FSIP2: variants seen among roughly 807,000 people sequenced by gnomAD.
The protein encoded by FSIP2 is fibrous sheath-interacting protein 2.
A neutral mutation model predicts 510.5 loss-of-function variants in FSIP2; 367 were observed. The observed-to-expected ratio is 0.72, with a 90% CI of 0.66 to 0.78. The LOEUF is 0.78. Among genes scored for constraint, FSIP2 ranks in the 30% least tolerant of loss-of-function variants. The pLI is 0.00. For synonymous variants in FSIP2, 2,601 were observed against 2,732.2 expected (o/e 0.95, Z 1.50); for missense variants, 7,594 against 7,901.7 (o/e 0.96, Z 1.48).
At chr2:185,828,248 A>G in intron 21 of FSIP2, 49 bp downstream of exon 21, 2 of 999,374 alleles carry the variant, frequency 2.0e-6, no homozygotes, top group Non-Finnish European at 3.1e-6. Flanking sequence ...GAGCTAGTTC[A>G]GAACAACTCA....
chr2:185,806,084 C>T lies in FSIP2; in HGVS notation c.16778C>T (p.Thr5593Ile). 2 of 1,572,432 alleles carry T rather than the reference C, an allele frequency of 1.3e-6. No individual in the cohort carries two copies. The highest frequency in any genetic ancestry group is 2.8e-5 in the African/African-American group (2 of 72,680). The change falls in exon 17 of 23, where the codon ACA (threonine) becomes ATA (isoleucine). Residue 5593 changes from threonine to isoleucine, a missense_variant. Physicochemically the swap from Thr to Ile is moderately conservative, Grantham distance 89 (BLOSUM62 -1). Transcript: ENST00000424728. ...YTHFSLIIDD[T>I]EYEKEVLGSD... ...CATTTTTCATTAATAATTGATGATA[C>T]AGAATATGAGAAGGAAGTACTTGGA... is the stretch of plus-strand genomic sequence containing the variant.
At chr2:185,780,651 A>C (rs1304361778) in intron 13 of FSIP2, among the ~76,000 whole-genome samples, 1 of 151,944 alleles carries the variant, frequency 6.6e-6, no homozygotes, top group South Asian at 2.1e-4. Context: ...TTTGAGGTCT[A>C]ATTTTAATAT....
rs891554477 is a variant in FSIP2, at chr2:185,795,593, C to T, written c.8457C>T (p.Tyr2819=). 2 of 1,534,868 alleles carry T rather than the reference C, an allele frequency of 1.3e-6. No individual in the cohort carries two copies. The highest frequency in any genetic ancestry group is 3.9e-5 in the Admixed American group (2 of 50,866). Residue 2819 remains tyrosine (Y), a synonymous_variant, in exon 16 of 23, where the codon TAC becomes TAT. Coordinates refer to ENST00000424728, the MANE Select transcript of FSIP2 (RefSeq NM_173651.4). ...TTCCTAAACAACAAGCATGTTTTTA[C>T]TTGGAGAATGTTTCTTCACAGCTAG... ...GSLPKQQACF[Y]LENVSSQLEH...
At chr2:185,750,118 T>A (rs1692113082) in intron 7 of FSIP2, among the ~76,000 whole-genome samples, 1 of 151,718 alleles carries the variant, frequency 6.6e-6, no homozygotes, top group South Asian at 2.1e-4. Flanking sequence ...CAAAATGTAG[T>A]TTTCTTGCAC....
At chr2:185,756,340 T>A (rs116667549) in intron 9 of FSIP2, 62 bp downstream of exon 9, 6,550 of 592,582 alleles carry the variant, frequency 0.011, 269 homozygotes, top group African/African-American at 0.095. Context: ...GAAAGACAGT[T>A]TTGTAACAAC....
At position 185,805,852 on chromosome 2, in the gene FSIP2, A is replaced by G. The variant is rs1314081755; in HGVS notation, c.16546A>G (p.Asn5516Asp). Residue 5516 changes from asparagine to aspartate, a missense_variant, in exon 17 of 23, where the codon AAT becomes GAT. Transcript: ENST00000424728. ...ATCAGGGTTGGCTACAGGTGTGACA[A>G]ATAAAAAGGAAGTGGATGAAAATAA... ...LTSGLATGVT[N>D]KKEVDENKVG... The G allele has an allele frequency of 6.2e-7, 1 of 1,608,780 alleles. No homozygotes were observed. Among genetic ancestry groups the G allele is most frequent in the South Asian group, 1.1e-5 (1 of 89,902 alleles).
Position 185,803,862 on chromosome 2 carries a change from G to C in FSIP2, c.14556G>C (p.Gln4852His), listed in dbSNP as rs1693499453. Reference sequence around the variant, plus strand: ...TTATTAAATATGGGAATAAAAAACAGAGTATGATTTCAGCAAAAGATATCC... The same window carrying C: ...TTATTAAATATGGGAATAAAAAACACAGTATGATTTCAGCAAAAGATATCC... Reference protein sequence around the residue: ...ICIIKYGNKKQSMISAKDIQS... With the variant: ...ICIIKYGNKKHSMISAKDIQS... Residue 4852 changes from glutamine (Q) to histidine (H), a missense_variant, in exon 17 of 23, where the codon CAG (glutamine) becomes CAC (histidine). By Grantham distance (24) the Gln-to-His change is conservative (BLOSUM62 0). Transcript: ENST00000424728. 2.0e-6 allele frequency: 3 copies of C among 1,516,992 alleles called. No homozygotes were observed. Among genetic ancestry groups the C allele is most frequent in the Non-Finnish European group, 2.6e-6 (3 of 1,136,648 alleles). The allele number at this position is 1,516,992 out of a possible 1,614,324, so 94.0% of individuals were successfully genotyped here. A position where few individuals can be genotyped will look rare whatever the true frequency, so the allele number is the denominator to read the frequency against.
In FSIP2 at chr2:185,805,654, T is replaced by A; in HGVS notation, c.16348T>A (p.Ser5450Thr). 6.2e-7 allele frequency: 1 copy of A among 1,610,642 alleles called. No individual in the cohort carries two copies. Among genetic ancestry groups the A allele is most frequent in the Non-Finnish European group, 8.5e-7 (1 of 1,178,464 alleles). ...SLPDQSYKDTSSTPDCKNMMS... is the reference protein window; with the variant it reads ...SLPDQSYKDTTSTPDCKNMMS... ...ACCAGATCAATCATATAAAGATACT[T>A]CTTCCACCCCAGATTGCAAAAACAT... Residue 5450 changes from serine (S) to threonine (T), a missense_variant, in exon 17 of 23, where the codon TCT (serine) becomes ACT (threonine). Coordinates refer to ENST00000424728, the MANE Select transcript of FSIP2 (RefSeq NM_173651.4).
chr2:185,795,930 T>C lies in FSIP2; in HGVS notation c.8794T>C (p.Phe2932Leu). ...EMLLEKLQLC[F>L]LSQIPTPDSE... ...GCTACTTGAAAAACTACAGCTATGC[T>C]TTCTGTCCCAAATTCCCACTCCAGA... The change falls in exon 16 of 23, where the codon TTT becomes CTT. Residue 2932 changes from phenylalanine (F) to leucine (L), a missense_variant. Transcript: ENST00000424728. 6.5e-7 allele frequency: 1 copy of C among 1,534,634 alleles called. No homozygotes were observed. Among genetic ancestry groups the C allele is most frequent in the Non-Finnish European group, 8.7e-7 (1 of 1,145,930 alleles).
In FSIP2 at chr2:185,791,982, A is replaced by T; in HGVS notation, c.4846A>T (p.Lys1616Ter). 1 of 1,533,918 alleles carries T rather than the reference A, an allele frequency of 6.5e-7. No individual in the cohort carries two copies. The highest frequency in any genetic ancestry group is 2.4e-5 in the East Asian group (1 of 40,824). ...AINDGNKKSNKIGWEYESTNI... is the reference protein window; with the variant it reads ...AINDGNKKSN ...TAATGATGGAAATAAGAAAAGCAATAAGATAGGCTGGGAATATGAAAGCAC... is the reference window on the plus strand; with the variant it reads ...TAATGATGGAAATAAGAAAAGCAATTAGATAGGCTGGGAATATGAAAGCAC... The change falls in exon 16 of 23, where the codon AAG becomes TAG. Residue 1616 changes from lysine to a stop codon, truncating the protein, a stop_gained. Coordinates refer to ENST00000424728, the MANE Select transcript of FSIP2 (RefSeq NM_173651.4). LOFTEE classifies it high-confidence loss of function.
At chr2:185,766,559 A>G (rs1692487307) in intron 13 of FSIP2, 2 of 148,416 alleles carry the variant, frequency 1.3e-5, no homozygotes, top group South Asian at 2.2e-4. Context: ...CAAAAAACAC[A>G]TGAAAAAATG....
intron 13 of FSIP2, among the ~76,000 whole-genome samples, chr2:185,773,940 T>G (rs549343209): frequency 6.6e-6 from 1 of 152,224 alleles, no homozygotes; most frequent in African/African-American, 2.4e-5. Context: ...AAGGCTTATA[T>G]GTAAATGCTG....
intron 2 of FSIP2, chr2:185,740,602 T>C (rs891726075): frequency 2.0e-5 from 3 of 152,202 alleles, no homozygotes; most frequent in African/African-American, 4.8e-5. Flanking sequence ...GTTATAACAA[T>C]GTACCATAGA....
chr2:185,737,606 G>T (rs1004806371), upstream of FSIP2, among the ~76,000 whole-genome samples: 6 of 152,144 alleles, frequency 3.9e-5, no homozygotes, highest in Non-Finnish European at 8.8e-5. Context: ...GAAGTATCTA[G>T]AAGCATTCCT....
At position 185,808,879 on chromosome 2, in the gene FSIP2, G is replaced by A; in HGVS notation, c.19573G>A (p.Val6525Ile). 6.2e-7 allele frequency: 1 copy of A among 1,607,928 alleles called. No individual in the cohort carries two copies. Among genetic ancestry groups the A allele is most frequent in the Non-Finnish European group, 8.5e-7 (1 of 1,178,286 alleles). ...ATCTCCAATTAAAATAGTTCCACAT[G>A]TTGGAAAAAAACCAGTCAAAATAGA... ...EESPIKIVPH[V>I]GKKPVKIDPK... is the part of the protein sequence containing the mutation. The change falls in exon 17 of 23, where the codon GTT becomes ATT. Residue 6525 changes from valine to isoleucine, a missense_variant. By Grantham distance (29) the Val-to-Ile change is conservative. Coordinates refer to ENST00000424728, the MANE Select transcript of FSIP2 (RefSeq NM_173651.4).
In FSIP2 at chr2:185,789,742, G is replaced by A; in HGVS notation, c.2606G>A (p.Gly869Asp). Residue 869 changes from glycine (G) to aspartate (D), a missense_variant, in exon 16 of 23, where the codon GGC (glycine) becomes GAC (aspartate). Transcript: ENST00000424728. The part of the protein sequence containing the change: ...DPICMFLQRA[G>D]KNKSSLESDE... ...ATATGTATGTTCCTTCAAAGAGCTG[G>A]CAAAAATAAATCTAGTCTTGAATCT... 4 of 1,534,368 alleles carry A rather than the reference G, an allele frequency of 2.6e-6. No individual in the cohort carries two copies. Among genetic ancestry groups the A allele is most frequent in the Non-Finnish European group, 2.6e-6 (3 of 1,145,752 alleles).
chr2:185,778,110 T>G (rs1692767021), intron 13 of FSIP2, among the ~76,000 whole-genome samples: 1 of 152,046 alleles, frequency 6.6e-6, no homozygotes, highest in African/African-American at 2.4e-5. Context: ...ATCTAAATTT[T>G]CAGATATATT....
chr2:185,800,190 T>A lies in FSIP2; in HGVS notation c.10884T>A (p.Asn3628Lys). 6.5e-7 allele frequency: 1 copy of A among 1,532,398 alleles called. No homozygotes were observed. The highest frequency in any genetic ancestry group is 8.7e-7 in the Non-Finnish European group (1 of 1,144,930). The allele number at this position is 1,532,398 out of a possible 1,614,324, so 94.9% of individuals were successfully genotyped here. ...AAGTAGATTATCACTTTGAAAGCAA[T>A]GTAAGAAACAAATCATTTTCTATGC... ...EIEVDYHFES[N>K]VRNKSFSMHR... The change falls in exon 17 of 23, where the codon AAT becomes AAA. Residue 3628 changes from asparagine (N) to lysine (K), a missense_variant. By Grantham distance (94) the Asn-to-Lys change is moderately conservative (BLOSUM62 0). Coordinates refer to ENST00000424728, the MANE Select transcript of FSIP2 (RefSeq NM_173651.4).
chr2:185,742,023 A>C (rs1422531833), intron 2 of FSIP2, among the ~76,000 whole-genome samples: 1 of 152,152 alleles, frequency 6.6e-6, no homozygotes, highest in Non-Finnish European at 1.5e-5. Context: ...GTATAAATTG[A>C]ATTTCATGCC....
Sources: gnomAD v4.1 joint callset for allele counts (sites outside exome capture counted in the v4.1 genomes callset) on GRCh38, gnomAD v4.1.1 for gene constraint, MANE v1.5 for transcripts, NCBI Gene and HGNC (gene_info 2026-07-23, HGNC 2026-07-21) for gene names.